The following CACNA1G variants were observed in gnomAD, a reference collection of about 807,000 sequenced individuals.
CACNA1G encodes voltage-dependent T-type calcium channel subunit alpha-1G.
A neutral mutation model predicts 219.4 loss-of-function variants in CACNA1G; 67 were observed. The ratio of observed to expected loss-of-function variants is 0.31; its 90% CI spans 0.25 to 0.37. CACNA1G has a LOEUF of 0.37. CACNA1G is among the 10% of genes least tolerant of loss of function. The pLI is 1.00. For missense variants in CACNA1G, 2,380 were observed against 3,231.4 expected, an observed-to-expected ratio of 0.74 and a Z score of 6.39; for synonymous variants, 1,296 against 1,345.3, an observed-to-expected ratio of 0.96 and a Z score of 0.80.
chr17:50,621,732 C>T lies in CACNA1G; in HGVS notation c.5998C>T (p.Leu2000=). ...GTCTGAACCGTCCTGCTCTCTAGCT[C>T]TGACGGATGACTCTTTGCCTGATGA... The part of the protein sequence containing the change: ...IVSEPSCSLA[L]TDDSLPDDMH... Residue 2000 remains leucine, a synonymous_variant, in exon 35 of 38, where the codon CTG becomes TTG. Transcript: ENST00000359106. The surrounding 1 kb of genome is among the most constrained non-coding windows in gnomAD (Gnocchi z 4.6). 1 of 1,614,008 alleles carries T rather than the reference C, an allele frequency of 6.2e-7. No individual in the cohort carries two copies. The highest frequency in any genetic ancestry group is 8.5e-7 in the Non-Finnish European group (1 of 1,179,864).
intron 19 of CACNA1G, 141 bp downstream of exon 19, chr17:50,601,315 C>T (rs2046584685): frequency 2.9e-6 from 3 of 1,028,766 alleles, no homozygotes; most frequent in Middle Eastern, 2.2e-4. Flanking sequence ...CTTTAGGTCT[C>T]TCACCAGATC....
chr17:50,596,909 G>A lies in CACNA1G; in HGVS notation c.3244G>A (p.Glu1082Lys), dbSNP rs1171673151. 2 of 1,564,118 alleles carry A rather than the reference G, an allele frequency of 1.3e-6. No homozygotes were observed. The highest frequency in any genetic ancestry group is 1.4e-5 in the African/African-American group (1 of 73,658). The change falls in exon 16 of 38, where the codon GAG becomes AAG. Residue 1082 changes from glutamate (E) to lysine (K), a missense_variant. Transcript: ENST00000359106. The surrounding 1 kb of genome is among the most constrained non-coding windows in gnomAD (Gnocchi z 4.8). The stretch of plus-strand genomic sequence containing the variant: ...GTCGGCAGAGCCTGGGGCGGCCCAC[G>A]AGATGAAGTCACCGGTAGGGGGTGC... ...SGSAEPGAAH[E>K]MKSPPSARSS... is the part of the protein sequence containing the mutation.
At chr17:50,585,368 G>A (rs555557547) in intron 9 of CACNA1G, among the ~76,000 whole-genome samples, 4 of 152,286 alleles carry the variant, frequency 2.6e-5, no homozygotes, top group Admixed American at 2.6e-4. Context: ...AAGCTGAGTG[G>A]GCACCGTGAG....
chr17:50,576,220 A>G lies in CACNA1G; in HGVS notation c.1818A>G (p.Ala606=), dbSNP rs375580888. The G allele has an allele frequency of 1.3e-4, 205 of 1,607,634 alleles. No homozygotes were observed. The African/African-American group carries it at 2.3e-3, about 18-fold the overall frequency. Residue 606 remains alanine (A), a synonymous_variant, in exon 8 of 38, where the codon GCA becomes GCG. Coordinates refer to ENST00000359106, the MANE Select transcript of CACNA1G (RefSeq NM_018896.5). ...CACCGGAGACGCTGAAGGAGAAGGC[A>G]CTAGTAGAGGTGGCTGCCAGCTCTG... is the stretch of plus-strand genomic sequence containing the variant. ...SPPPETLKEK[A]LVEVAASSGP...
chr17:50,606,581 G>T (rs561943615), intron 23 of CACNA1G: 9 of 542,902 alleles, frequency 1.7e-5, no homozygotes, highest in African/African-American at 1.1e-4. Flanking sequence ...CAGAAATGCA[G>T]AAAATGAAAT....
chr17:50,614,386 C>T (rs949248966), intron 26 of CACNA1G, among the ~76,000 whole-genome samples: 4 of 152,188 alleles, frequency 2.6e-5, no homozygotes, highest in Non-Finnish European at 5.9e-5. Flanking sequence ...CGTGAAAAGC[C>T]TCTTCCTTCT....
At position 50,624,415 on chromosome 17, in the gene CACNA1G, T is replaced by A. The variant is rs746376171; in HGVS notation, c.6285T>A (p.Leu2095=). Residue 2095 remains leucine (L), a synonymous_variant, in exon 37 of 38, where the codon CTT becomes CTA. Transcript: ENST00000359106. ...QPADTSYILQ[L]PKDAPHLLQP... is the part of the protein sequence containing the mutation. ...CAGATACCAGCTACATCCTGCAGCT[T>A]CCCAAAGATGCACCTCATCTGCTCC... 1 of 1,599,782 alleles carries A rather than the reference T, an allele frequency of 6.3e-7. No individual in the cohort carries two copies. The highest frequency in any genetic ancestry group is 1.7e-5 in the Admixed American group (1 of 58,600).
chr17:50,621,108 A>G lies in CACNA1G; in HGVS notation c.5926-552A>G, dbSNP rs575789840. 1.2e-4 allele frequency among the ~76,000 whole-genome samples: 18 copies of G among 152,310 alleles called. 1 individual carries two copies. The East Asian group carries it at 3.5e-3, about 29-fold the overall frequency. On this transcript the variant is annotated intron_variant, in intron 34 of 37. Transcript: ENST00000359106. The surrounding 1 kb of genome is among the most constrained non-coding windows in gnomAD (Gnocchi z 4.6). ...GCGGAGGAGGGCCCACGAGGGGAGA[A>G]GCCAGAATCTGGGGGCAGGCCAAGT...
chr17:50,566,525 G>T (rs2037922316), intron 1 of CACNA1G, among the ~76,000 whole-genome samples: 1 of 152,238 alleles, frequency 6.6e-6, no homozygotes, highest in Admixed American at 6.5e-5. Flanking sequence ...GGCTTTGCCT[G>T]TAAGAGGCCT....
At chr17:50,592,856 G>A (rs2145544688) in intron 13 of CACNA1G, among the ~76,000 whole-genome samples, 1 of 152,274 alleles carries the variant, frequency 6.6e-6, no homozygotes, top group African/African-American at 2.4e-5. Context: ...TCTTGGTCCA[G>A]TTCTCTCTGG....
Position 50,561,090 on chromosome 17 carries a change from T to G in CACNA1G, c.-370T>G. 2.5e-6 allele frequency: 1 copy of G among 403,316 alleles called. No homozygotes were observed. The highest frequency in any genetic ancestry group is 4.8e-6 in the Non-Finnish European group (1 of 206,190). The allele number at this position is 403,316 out of a possible 1,614,324, so 25.0% of individuals were successfully genotyped here. ...CCCCCGCCCTCCGCCGCTGCCCCCC[T>G]TTTCGTTCGCCCTCTCGGGGCGGCT... On this transcript the variant is annotated 5_prime_UTR_variant, in exon 1 of 38. Transcript: ENST00000359106.
rs2041014689 is a variant in CACNA1G, at chr17:50,577,708, TA to T, written c.1925-479del. Reference sequence around the variant, plus strand: ...GTGTGCCCATATGGTGGTGTCCAAATAGTATACATGTGTACACGAGTGTGCG... The same window carrying T: ...GTGTGCCCATATGGTGGTGTCCAAATGTATACATGTGTACACGAGTGTGCG... On this transcript the variant is annotated intron_variant, in intron 8 of 37. Coordinates refer to ENST00000359106, the MANE Select transcript of CACNA1G (RefSeq NM_018896.5). Among the ~76,000 whole-genome samples, 2 of 151,700 alleles carry T rather than the reference TA, an allele frequency of 1.3e-5. 1 individual carries two copies. Among genetic ancestry groups the T allele is most frequent in the South Asian group, 4.2e-4 (2 of 4,798 alleles).
Position 50,571,778 on chromosome 17 carries a change from C to G in CACNA1G, c.587-100C>G. 1 of 1,260,614 alleles carries G rather than the reference C, an allele frequency of 7.9e-7. No homozygotes were observed. The highest frequency in any genetic ancestry group is 1.1e-6 in the Non-Finnish European group (1 of 882,962). The allele number at this position is 1,260,614 out of a possible 1,614,324, so 78.1% of individuals were successfully genotyped here. A position where few individuals can be genotyped will look rare whatever the true frequency, so the allele number is the denominator to read the frequency against. On this transcript the variant is annotated intron_variant, in intron 4 of 37. Coordinates refer to ENST00000359106, the MANE Select transcript of CACNA1G (RefSeq NM_018896.5). The surrounding 1 kb of genome is among the most constrained non-coding windows in gnomAD (Gnocchi z 4.3). ...AGCTTGAGCCGGGCCGTCTCAGCCTCAGAGTCCCTGGTGGGGCCCCTCCGG... is the reference window on the plus strand; with the variant it reads ...AGCTTGAGCCGGGCCGTCTCAGCCTGAGAGTCCCTGGTGGGGCCCCTCCGG...
intron 26 of CACNA1G, among the ~76,000 whole-genome samples, chr17:50,612,039 C>T (rs1205995901): frequency 6.6e-6 from 1 of 152,234 alleles, no homozygotes; most frequent in Admixed American, 6.5e-5. Flanking sequence ...ATCCCACTTC[C>T]TAGGACCTGG....
In CACNA1G at chr17:50,578,473, G is replaced by A. The variant is rs537429256; in HGVS notation, c.2210G>A (p.Arg737Gln). ...AFWRLICDTF[R>Q]KIVDSKYFGR... ...TGGAGGCTAATCTGTGACACCTTCCGAAAGATTGTGGACAGCAAGTACTTT... is the reference window on the plus strand; with the variant it reads ...TGGAGGCTAATCTGTGACACCTTCCAAAAGATTGTGGACAGCAAGTACTTT... Residue 737 changes from arginine to glutamine, a missense_variant, in exon 9 of 38, where the codon CGA becomes CAA. Around this residue, in one of 17 missense-constraint regions of CACNA1G, gnomAD observed 434 missense variants for 417.3 expected, o/e 1.04. Coordinates refer to ENST00000359106, the MANE Select transcript of CACNA1G (RefSeq NM_018896.5). The surrounding 1 kb of genome is among the most constrained non-coding windows in gnomAD (Gnocchi z 4.5). 1.1e-4 allele frequency: 168 copies of A among 1,595,646 alleles called. 1 individual carries two copies. The African/African-American group carries it at 1.3e-3, about 12-fold the overall frequency.
chr17:50,619,007 C>T lies in CACNA1G; in HGVS notation c.5780C>T (p.Thr1927Met), dbSNP rs200630160. ...TCCCACTTTTCCCTGGAGCACCCCA[C>T]GGTGAGCAGACACCCACCCCAGCCG... ...SASHFSLEHPTDRQLFDTISL... is the reference protein window; with the variant it reads ...SASHFSLEHPMDRQLFDTISL... Residue 1927 changes from threonine to methionine, a missense_variant and splice_region_variant, in exon 33 of 38, where the codon ACG becomes ATG. Transcript: ENST00000359106. 3.1e-5 allele frequency: 47 copies of T among 1,517,716 alleles called. No homozygotes were observed. The highest frequency in any genetic ancestry group is 1.4e-4 in the South Asian group (11 of 76,342). The allele number at this position is 1,517,716 out of a possible 1,614,324, so 94.0% of individuals were successfully genotyped here. A position where few individuals can be genotyped will look rare whatever the true frequency, so the allele number is the denominator to read the frequency against.
At position 50,621,259 on chromosome 17, in the gene CACNA1G, T is replaced by G. The variant is rs2146358352; in HGVS notation, c.5926-401T>G. Among the ~76,000 whole-genome samples, 1 of 151,372 alleles carries G rather than the reference T, an allele frequency of 6.6e-6. No individual in the cohort carries two copies. The highest frequency in any genetic ancestry group is 1.9e-4 in the East Asian group (1 of 5,156). On this transcript the variant is annotated intron_variant, in intron 34 of 37. Transcript: ENST00000359106. This position sits in a 1 kb window ranked among gnomAD's most constrained non-coding sequence, Gnocchi z 4.6. Reference sequence around the variant, plus strand: ...GGAGAGACAGTGCTTTGCTGGCCTTTCTTCATTTTTTTTTTTTTTGGTATC... The same window carrying G: ...GGAGAGACAGTGCTTTGCTGGCCTTGCTTCATTTTTTTTTTTTTTGGTATC...
chr17:50,615,261 G>A, intron 26 of CACNA1G, 100 bp from the exon 27 acceptor site: 1 of 1,196,478 alleles, frequency 8.4e-7, no homozygotes, highest in Non-Finnish European at 1.1e-6. Context: ...GAATGTTTCA[G>A]TTCTGGCGTT....
Position 50,624,065 on chromosome 17 carries a change from A to T in CACNA1G, c.6219A>T (p.Lys2073Asn), listed in dbSNP as rs2146459675. ...GACACAGGGGCTGGGGGCTCCCCAA[A>T]GCTCAGTCAGGTACCAGGGCTAGAG... ...PLGHRGWGLPKAQSGSVLSVH... is the reference protein window; with the variant it reads ...PLGHRGWGLPNAQSGSVLSVH... The change falls in exon 36 of 38, where the codon AAA becomes AAT. Residue 2073 changes from lysine to asparagine, a missense_variant. By Grantham distance (94) the Lys-to-Asn change is moderately conservative (BLOSUM62 0). Coordinates refer to ENST00000359106, the MANE Select transcript of CACNA1G (RefSeq NM_018896.5). The T allele has an allele frequency of 1.2e-6, 2 of 1,612,052 alleles. No individual in the cohort carries two copies. The highest frequency in any genetic ancestry group is 4.5e-5 in the East Asian group (2 of 44,824).
Sources: allele counts gnomAD v4.1 joint callset (sites outside exome capture counted in the v4.1 genomes callset), GRCh38; gene constraint gnomAD v4.1.1; regional missense constraint gnomAD v4.1.1; non-coding constraint Gnocchi (gnomAD v3.1); transcripts MANE v1.5; gene names NCBI Gene and HGNC (gene_info 2026-07-23, HGNC 2026-07-21).